XRRA1: variants seen among roughly 807,000 people sequenced by gnomAD.
The protein encoded by XRRA1 is X-ray radiation resistance associated 1.
A neutral mutation model predicts 80.2 loss-of-function variants in XRRA1; 69 were observed. The observed-to-expected ratio is 0.86, with a 90% CI of 0.71 to 1.05. The LOEUF is 1.05. Ranked by LOEUF, XRRA1 falls within the 50% of genes least tolerant of loss-of-function variation. XRRA1 has a pLI of 0.00. For synonymous variants in XRRA1, 348 were observed against 389.9 expected (o/e 0.89, Z 1.27); for missense variants, 967 against 976.4 (o/e 0.99, Z 0.13).
intron 2 of XRRA1, among the ~76,000 whole-genome samples, chr11:74,942,753 G>A (rs1946578901): frequency 6.6e-6 from 1 of 152,172 alleles, no homozygotes; most frequent in South Asian, 2.1e-4. Flanking sequence ...TACTTCATAG[G>A]GCTGTTTTGA....
intron 10 of XRRA1, among the ~76,000 whole-genome samples, chr11:74,887,885 G>A (rs187623707): frequency 0.011 from 1,643 of 152,182 alleles, 17 homozygotes; most frequent in Non-Finnish European, 0.017. Flanking sequence ...AGGGGCACCC[G>A]CCATTGCCGA....
At chr11:74,869,734 G>A (rs915509615) in intron 10 of XRRA1, among the ~76,000 whole-genome samples, 1 of 152,036 alleles carries the variant, frequency 6.6e-6, no homozygotes, top group African/African-American at 2.4e-5. Context: ...GGCACACCTG[G>A]TCCAACCAAT....
chr11:74,869,123 A>T (rs557962324), intron 10 of XRRA1, among the ~76,000 whole-genome samples: 331 of 152,192 alleles, frequency 2.2e-3, no homozygotes, highest in Admixed American at 2.8e-3. Context: ...GTACAATTTT[A>T]AAAAAAAATG....
chr11:74,916,239 T>C (rs948194491), intron 8 of XRRA1, among the ~76,000 whole-genome samples: 3 of 152,238 alleles, frequency 2.0e-5, no homozygotes, highest in Non-Finnish European at 4.4e-5. Flanking sequence ...GGCTATTATT[T>C]CTTCAAATAA....
At chr11:74,890,000 A>AAAGTT (rs1469923232) in intron 10 of XRRA1, among the ~76,000 whole-genome samples, 2 of 152,230 alleles carry the variant, frequency 1.3e-5, no homozygotes, top group Non-Finnish European at 2.9e-5. Context: ...AATGAGACAG[A>AAAGTT]AAGTTAACAA....
chr11:74,913,290 T>C (rs1263092787), intron 8 of XRRA1, among the ~76,000 whole-genome samples: 1 of 152,220 alleles, frequency 6.6e-6, no homozygotes, highest in Non-Finnish European at 1.5e-5. Flanking sequence ...TCACTAAAGA[T>C]TAAAAAGATG....
chr11:74,933,587 T>C, intron 5 of XRRA1: 4 of 488,470 alleles, frequency 8.2e-6, no homozygotes, highest in East Asian at 6.6e-5. Flanking sequence ...TCATATCAAA[T>C]AGGACAAGGG....
chr11:74,922,076 T>C (rs552172660), intron 7 of XRRA1, among the ~76,000 whole-genome samples: 35 of 151,688 alleles, frequency 2.3e-4, no homozygotes, highest in Non-Finnish European at 4.0e-4. Context: ...GCTAACACGG[T>C]GAAACCCCAT....
At chr11:74,852,187 G>C in intron 12 of XRRA1, 105 bp from the exon 13 acceptor site, 4 of 909,032 alleles carry the variant, frequency 4.4e-6, no homozygotes, top group Non-Finnish European at 7.1e-6. Flanking sequence ...TAGGATTGGG[G>C]GTGGTATTGG....
In XRRA1 at chr11:74,843,309, A is replaced by C; in HGVS notation, c.2294T>G (p.Leu765Arg). The C allele has an allele frequency of 6.2e-7, 1 of 1,603,878 alleles. No homozygotes were observed. Among genetic ancestry groups the C allele is most frequent in the Non-Finnish European group, 8.5e-7 (1 of 1,175,524 alleles). ...SLRTVFGTTPLPMACPALSES... is the reference protein window; with the variant it reads ...SLRTVFGTTPRPMACPALSES... ...ACTCAGCGCTGGGCAGGCCATGGGG[A>C]GCGGGGTAGTCCCGAACACTGTGCG... Residue 765 changes from leucine to arginine, a missense_variant, in exon 19 of 19, where the codon CTC becomes CGC. Transcript: ENST00000684022.
chr11:74,948,170 G>A (rs534331121), intron 1 of XRRA1, among the ~76,000 whole-genome samples: 6 of 152,152 alleles, frequency 3.9e-5, no homozygotes, highest in Non-Finnish European at 7.3e-5. Flanking sequence ...GGGATATATA[G>A]GAATTAAAAA....
At chr11:74,858,468 A>T (rs998958534) in intron 12 of XRRA1, among the ~76,000 whole-genome samples, 1 of 152,256 alleles carries the variant, frequency 6.6e-6, no homozygotes, top group South Asian at 2.1e-4. Flanking sequence ...GTTTAGCTGT[A>T]TCAGCTGCTT....
intron 10 of XRRA1, among the ~76,000 whole-genome samples, chr11:74,892,135 C>T (rs992529071): frequency 5.9e-4 from 90 of 152,226 alleles, no homozygotes; most frequent in African/African-American, 1.9e-3. Flanking sequence ...GGAGGCATCA[C>T]GCTACCTGAC....
At chr11:74,889,604 C>T (rs1268451651) in intron 10 of XRRA1, among the ~76,000 whole-genome samples, 2 of 152,190 alleles carry the variant, frequency 1.3e-5, no homozygotes, top group Admixed American at 1.3e-4. Context: ...AAGACACAGA[C>T]TGGCAAATTC....
In XRRA1 at chr11:74,843,357, C is replaced by A; in HGVS notation, c.2246G>T (p.Arg749Leu). ...GCGCAGAGAGCCACTCACCAGCTGC[C>A]GGTAACGTGCCTGGAACTCCTTCAA... The part of the protein sequence containing the change: ...RLLKEFQARY[R>L]QLVSGSLRTV... Residue 749 changes from arginine (R) to leucine (L), a missense_variant, in exon 19 of 19, where the codon CGG becomes CTG. By Grantham distance (102) the Arg-to-Leu change is moderately radical. Transcript: ENST00000684022. The A allele has an allele frequency of 6.2e-7, 1 of 1,611,272 alleles. No homozygotes were observed. Among genetic ancestry groups the A allele is most frequent in the Non-Finnish European group, 8.5e-7 (1 of 1,178,780 alleles).
At chr11:74,941,437 G>A (rs1362900552) in intron 2 of XRRA1, among the ~76,000 whole-genome samples, 2 of 152,180 alleles carry the variant, frequency 1.3e-5, no homozygotes, top group Non-Finnish European at 2.9e-5. Flanking sequence ...TAGAGAGAAG[G>A]ATAAACATTC....
intron 8 of XRRA1, chr11:74,911,450 T>A (rs1463709467): frequency 6.6e-6 from 1 of 152,134 alleles, no homozygotes; most frequent in Non-Finnish European, 1.5e-5. Context: ...ATTCTCCCCC[T>A]CATATATAAG....
intron 8 of XRRA1, among the ~76,000 whole-genome samples, chr11:74,910,185 C>G (rs919452578): frequency 6.6e-6 from 1 of 152,170 alleles, no homozygotes. Context: ...AGAACACCAA[C>G]TGTGCAAACA....
chr11:74,918,537 A>G lies in XRRA1; in HGVS notation c.656+2677T>C, dbSNP rs142602059. Among the ~76,000 whole-genome samples, 800 of 152,302 alleles carry G rather than the reference A, an allele frequency of 5.3e-3. 5 individuals carry two copies. Among genetic ancestry groups the G allele is most frequent in the African/African-American group, 0.018 (758 of 41,550 alleles). On this transcript the variant is annotated intron_variant, in intron 8 of 18. Transcript: ENST00000684022. Reference sequence around the variant, plus strand: ...GAGTTCCTTCATGTTAGGTAAAAGCATGTTGCAGTTGCTATTGTTGTATGG... The same window carrying G: ...GAGTTCCTTCATGTTAGGTAAAAGCGTGTTGCAGTTGCTATTGTTGTATGG...
Sources: gnomAD v4.1 joint callset for allele counts (sites outside exome capture counted in the v4.1 genomes callset) on GRCh38, gnomAD v4.1.1 for gene constraint, MANE v1.5 for transcripts, NCBI Gene and HGNC (gene_info 2026-07-23, HGNC 2026-07-21) for gene names.